Variants in EPB41L4A observed in about 807,000 individuals in gnomAD.
The protein encoded by EPB41L4A is band 4.1-like protein 4A.
A neutral mutation model predicts 108.6 loss-of-function variants in EPB41L4A; 100 were observed. The observed-to-expected ratio is 0.92, with a 90% CI of 0.78 to 1.09. The LOEUF (loss-of-function observed/expected upper bound fraction) is 1.09, where lower values mean the gene tolerates loss of function less well. EPB41L4A is among the 50% of genes least tolerant of loss of function. The pLI is 0.00. For synonymous variants in EPB41L4A, 319 were observed against 289.0 expected (o/e 1.10, Z -1.05); for missense variants, 1,030 against 842.7 (o/e 1.22, Z -2.75).
chr5:112,241,358 A>G (rs547438910), intron 9 of EPB41L4A, among the ~76,000 whole-genome samples: 7 of 152,374 alleles, frequency 4.6e-5, no homozygotes, highest in Non-Finnish European at 7.3e-5. Context: ...TGAGTGGATC[A>G]AATTCAACAA....
intron 2 of EPB41L4A, among the ~76,000 whole-genome samples, chr5:112,294,993 C>G (rs999566828): frequency 6.6e-6 from 1 of 152,086 alleles, no homozygotes; most frequent in Admixed American, 6.6e-5. Context: ...GACAGGACAG[C>G]CAGTCAAAAA....
chr5:112,210,025 G>A, intron 12 of EPB41L4A, 43 bp from the exon 13 acceptor site: 1 of 1,182,174 alleles, frequency 8.5e-7, no homozygotes, highest in South Asian at 1.3e-5. Context: ...AGAGGAAACA[G>A]TGATAAGGAA....
intron 2 of EPB41L4A, among the ~76,000 whole-genome samples, chr5:112,301,068 A>G (rs1313854800): frequency 6.7e-6 from 1 of 150,336 alleles, no homozygotes; most frequent in Non-Finnish European, 1.5e-5. Context: ...ATTTTTTTTG[A>G]TTTCCTTAAA....
chr5:112,415,553 G>C (rs1224113229), intron 1 of EPB41L4A, among the ~76,000 whole-genome samples: 1 of 152,076 alleles, frequency 6.6e-6, no homozygotes, highest in Non-Finnish European at 1.5e-5. Flanking sequence ...TCCTGAAAAT[G>C]TTTTGCTAAC....
At chr5:112,377,634 T>C (rs767404777) in intron 1 of EPB41L4A, among the ~76,000 whole-genome samples, 6 of 152,134 alleles carry the variant, frequency 3.9e-5, no homozygotes, top group Non-Finnish European at 7.4e-5. Flanking sequence ...AGACCAATTA[T>C]TCCCATGGCG....
At position 112,204,395 on chromosome 5, in the gene EPB41L4A, A is replaced by C. The variant is rs6865673; in HGVS notation, c.1356T>G (p.Ser452=). Residue 452 remains serine (S), a synonymous_variant, in exon 15 of 23, where the codon TCT becomes TCG. Coordinates refer to ENST00000261486, the MANE Select transcript of EPB41L4A (RefSeq NM_022140.5). ...RNPSCGSDND[S]VQPVRRRKAH... is the part of the protein sequence containing the mutation. ...CTTACCTCCTCCTCACAGGCTGTAC[A>C]GAATCATTGTCACTTCCACAGGAGG... The C allele has an allele frequency of 1.4e-3, 2,316 of 1,613,348 alleles. 33 individuals carry two copies. In the African/African-American group the frequency reaches 0.027, roughly 19 times the overall value.
intron 9 of EPB41L4A, among the ~76,000 whole-genome samples, chr5:112,241,446 A>G (rs1202259403): frequency 6.6e-6 from 1 of 152,218 alleles, no homozygotes; most frequent in Non-Finnish European, 1.5e-5. Flanking sequence ...TTGATTCTCT[A>G]TATTTAATAA....
chr5:112,359,557 T>TG (rs1758579760), intron 1 of EPB41L4A, among the ~76,000 whole-genome samples: 1 of 150,672 alleles, frequency 6.6e-6, no homozygotes, highest in African/African-American at 2.5e-5. Context: ...TTTTTTTTTT[T>TG]TGAGACGGAG....
chr5:112,262,245 T>C (rs1370756093), intron 7 of EPB41L4A, among the ~76,000 whole-genome samples: 1 of 152,160 alleles, frequency 6.6e-6, no homozygotes, highest in East Asian at 1.9e-4. Context: ...CCTTTGTATC[T>C]GTTATCCAGA....
chr5:112,412,829 T>C (rs1310292660), intron 1 of EPB41L4A, among the ~76,000 whole-genome samples: 2 of 152,236 alleles, frequency 1.3e-5, no homozygotes, highest in Non-Finnish European at 2.9e-5. Context: ...TGACTTGTCA[T>C]GTTTACAACA....
chr5:112,226,171 T>C (rs74814953), intron 12 of EPB41L4A, among the ~76,000 whole-genome samples: 5 of 152,340 alleles, frequency 3.3e-5, no homozygotes, highest in Non-Finnish European at 7.4e-5. Context: ...CTGGGGAACA[T>C]ATATTACTTT....
chr5:112,271,921 C>T (rs1429753816), intron 4 of EPB41L4A, among the ~76,000 whole-genome samples: 1 of 152,046 alleles, frequency 6.6e-6, no homozygotes, highest in African/African-American at 2.4e-5. Flanking sequence ...CCTGAAAGTC[C>T]CCCCAGTTTC....
At chr5:112,360,874 T>C (rs388091) in intron 1 of EPB41L4A, among the ~76,000 whole-genome samples, 100,237 of 150,944 alleles carry the variant, frequency 0.66, 33,406 homozygotes, top group South Asian at 0.82. Context: ...GGAGCGCCTC[T>C]GCCCTGCCTC....
At chr5:112,169,824 G>C (rs1760469622) in intron 20 of EPB41L4A, among the ~76,000 whole-genome samples, 1 of 152,112 alleles carries the variant, frequency 6.6e-6, no homozygotes, top group African/African-American at 2.4e-5. Context: ...TCTTAACCAA[G>C]TACTGGTAAG....
chr5:112,142,026 A>G (rs1463038727), downstream of EPB41L4A, among the ~76,000 whole-genome samples: 1 of 152,178 alleles, frequency 6.6e-6, no homozygotes, highest in Non-Finnish European at 1.5e-5. Flanking sequence ...TTTTTGTAGA[A>G]GCACAATGTG....
downstream of EPB41L4A, chr5:112,161,368 G>C: frequency 2.4e-6 from 1 of 413,558 alleles, no homozygotes; most frequent in Non-Finnish European, 4.8e-6. Context: ...TTATTAAGTC[G>C]GATTTTAAAT....
At chr5:112,242,967 A>G (rs1405218712) in intron 9 of EPB41L4A, among the ~76,000 whole-genome samples, 3 of 152,166 alleles carry the variant, frequency 2.0e-5, no homozygotes, top group African/African-American at 7.2e-5. Flanking sequence ...TAATCCCAGC[A>G]CTTTGGGGAG....
At chr5:112,331,343 A>G (rs1580701144) in intron 1 of EPB41L4A, among the ~76,000 whole-genome samples, 1 of 152,172 alleles carries the variant, frequency 6.6e-6, no homozygotes, top group South Asian at 2.1e-4. Context: ...TTTACATATA[A>G]ACAAACCAGT....
rs1366919934 is a variant in EPB41L4A at position 112,165,109 on chromosome 5, C to T, written c.1942G>A (p.Gly648Arg). ...GDATVHQRRN[G>R]SKDSLMEEKP... is the part of the protein sequence containing the mutation. ...TCTTCCATCAGGCTATCTTTAGACCCATTTCTTCTCTAAAATATATTTGAA... is the reference window on the plus strand; with the variant it reads ...TCTTCCATCAGGCTATCTTTAGACCTATTTCTTCTCTAAAATATATTTGAA... Residue 648 changes from glycine (G) to arginine (R), a missense_variant, in exon 23 of 23, where the codon GGG becomes AGG. Coordinates refer to ENST00000261486, the MANE Select transcript of EPB41L4A (RefSeq NM_022140.5). The T allele has an allele frequency of 1.4e-6, 2 of 1,471,294 alleles. No homozygotes were observed. Among genetic ancestry groups the T allele is most frequent in the South Asian group, 1.2e-5 (1 of 83,904 alleles). The allele number at this position is 1,471,294 out of a possible 1,614,324, so 91.1% of individuals were successfully genotyped here.
Sources: allele counts gnomAD v4.1 joint callset (sites outside exome capture counted in the v4.1 genomes callset), GRCh38; gene constraint gnomAD v4.1.1; transcripts MANE v1.5; gene names NCBI Gene and HGNC (gene_info 2026-07-23, HGNC 2026-07-21).